The following RPS6KC1 variants were observed in gnomAD, a reference collection of about 807,000 sequenced individuals.
RPS6KC1 encodes ribosomal protein S6 kinase C1, also known as inactive ribosomal protein S6 kinase delta-1.
Under a neutral mutation model 103.8 loss-of-function variants are expected in RPS6KC1, and 54 were observed. That is an observed-to-expected ratio of 0.52 (90% confidence interval 0.42 to 0.65). RPS6KC1 has a LOEUF of 0.65. RPS6KC1 is among the 30% of genes least tolerant of loss of function. The pLI is 0.00. For missense variants in RPS6KC1, 1,151 were observed against 1,253.8 expected, an observed-to-expected ratio of 0.92 and a Z score of 1.24; for synonymous variants, 439 against 438.7, an observed-to-expected ratio of 1.00 and a Z score of -0.01.
the RPS6KC1 span, among the ~76,000 whole-genome samples, chr1:213,670,336 G>A: frequency 0.35 from 53,804 of 152,150 alleles, 10,025 homozygotes; most frequent in East Asian, 0.57. Flanking sequence ...GCCTGTTTTC[G>A]TTGACTGTCC....
At chr1:213,576,501 TTATA>T in the RPS6KC1 span, among the ~76,000 whole-genome samples, 4 of 151,990 alleles carry the variant, frequency 2.6e-5, no homozygotes, top group Admixed American at 2.6e-4. Context: ...ATTATTATTA[TTATA>T]TCTTTTATGG....
chr1:213,198,146 T>C (rs949707056), intron 8 of RPS6KC1, among the ~76,000 whole-genome samples: 4 of 152,222 alleles, frequency 2.6e-5, no homozygotes, highest in Admixed American at 2.6e-4. Flanking sequence ...GCTGGCTTGG[T>C]AGTGGCATGT....
chr1:213,821,963 A>G, the RPS6KC1 span: 1 of 152,358 alleles, frequency 6.6e-6, no homozygotes, highest in African/African-American at 2.4e-5. Flanking sequence ...TTTCATATTT[A>G]TCACTGGGGA....
At chr1:213,552,481 C>G in the RPS6KC1 span, among the ~76,000 whole-genome samples, 8 of 152,138 alleles carry the variant, frequency 5.3e-5, no homozygotes, top group Non-Finnish European at 1.2e-4. Context: ...TGAGCATCTT[C>G]CATATCTTAT....
At chr1:213,452,615 C>G in the RPS6KC1 span, among the ~76,000 whole-genome samples, 9 of 152,120 alleles carry the variant, frequency 5.9e-5, no homozygotes, top group African/African-American at 2.2e-4. Flanking sequence ...TTCTCATGGA[C>G]CTGCAATACA....
chr1:213,164,177 CT>C (rs1189427446), intron 6 of RPS6KC1, among the ~76,000 whole-genome samples: 1 of 152,138 alleles, frequency 6.6e-6, no homozygotes, highest in Non-Finnish European at 1.5e-5. Context: ...AGATATATTT[CT>C]TATAAATAGA....
intron 7 of RPS6KC1, among the ~76,000 whole-genome samples, chr1:213,168,869 G>T (rs1186549166): frequency 6.6e-6 from 1 of 151,990 alleles, no homozygotes; most frequent in Non-Finnish European, 1.5e-5. Context: ...TGATCTGCCC[G>T]CCTCAGCCTC....
At chr1:213,430,066 G>C in the RPS6KC1 span, among the ~76,000 whole-genome samples, 1 of 152,310 alleles carries the variant, frequency 6.6e-6, no homozygotes, top group East Asian at 1.9e-4. Context: ...GGGCTACCTA[G>C]TGCCAGGTGA....
the RPS6KC1 span, among the ~76,000 whole-genome samples, chr1:213,363,461 AG>A: frequency 6.6e-6 from 1 of 152,180 alleles, no homozygotes; most frequent in African/African-American, 2.4e-5. Flanking sequence ...TCATTAGGGA[AG>A]ACCTTGTCTT....
chr1:213,467,684 T>C, the RPS6KC1 span, among the ~76,000 whole-genome samples: 159 of 152,302 alleles, frequency 1.0e-3, no homozygotes, highest in African/African-American at 3.6e-3. Context: ...CCTTCAGTGG[T>C]GGTTTCAGAC....
At chr1:213,340,796 C>A in the RPS6KC1 span, among the ~76,000 whole-genome samples, 1 of 152,208 alleles carries the variant, frequency 6.6e-6, no homozygotes, top group African/African-American at 2.4e-5. Context: ...GCTGTGGAAA[C>A]TTCCTGTGAA....
chr1:213,755,250 T>C, the RPS6KC1 span, among the ~76,000 whole-genome samples: 5 of 152,200 alleles, frequency 3.3e-5, no homozygotes, highest in Non-Finnish European at 4.4e-5. Context: ...TTACTTTTAA[T>C]GGCAAAAGCT....
the RPS6KC1 span, among the ~76,000 whole-genome samples, chr1:213,408,823 T>C: frequency 6.6e-6 from 1 of 152,258 alleles, no homozygotes. Flanking sequence ...CAGTGTGATA[T>C]CTAGCAAGTC....
the RPS6KC1 span, among the ~76,000 whole-genome samples, chr1:213,700,131 A>G: frequency 2.6e-5 from 4 of 151,222 alleles, no homozygotes; most frequent in African/African-American, 7.3e-5. Context: ...GCCCAGATCC[A>G]TATCTCGGAG....
the RPS6KC1 span, among the ~76,000 whole-genome samples, chr1:213,486,930 A>T: frequency 6.6e-6 from 1 of 152,228 alleles, no homozygotes; most frequent in Non-Finnish European, 1.5e-5. Context: ...GAACTGTTGG[A>T]AGTTCTAAGG....
the RPS6KC1 span, among the ~76,000 whole-genome samples, chr1:213,372,429 C>G: frequency 1.4e-4 from 22 of 152,304 alleles, 1 homozygote; most frequent in Non-Finnish European, 2.9e-4. Context: ...CATAGATAGG[C>G]CTGGCCTTAC....
chr1:213,218,129 T>C (rs376669020), intron 8 of RPS6KC1, among the ~76,000 whole-genome samples: 3 of 152,124 alleles, frequency 2.0e-5, no homozygotes, highest in Non-Finnish European at 2.9e-5. Flanking sequence ...AAAACCCCAT[T>C]GTCTCAGCCC....
chr1:213,088,000 G>A (rs989539570), intron 3 of RPS6KC1, among the ~76,000 whole-genome samples: 1 of 152,130 alleles, frequency 6.6e-6, no homozygotes, highest in African/African-American at 2.4e-5. Context: ...ACCCCAGAAA[G>A]TTGTTTCCTA....
the RPS6KC1 span, among the ~76,000 whole-genome samples, chr1:213,658,617 C>T: frequency 1.3e-5 from 2 of 152,160 alleles, no homozygotes; most frequent in African/African-American, 2.4e-5. Context: ...AATCCAAGTG[C>T]ACAGGCGGAT....
Sources: gnomAD v4.1 joint callset for allele counts (sites outside exome capture counted in the v4.1 genomes callset) on GRCh38, gnomAD v4.1.1 for gene constraint, MANE v1.5 for transcripts, NCBI Gene and HGNC (gene_info 2026-07-23, HGNC 2026-07-21) for gene names.